Variants in ZNF385B observed in about 807,000 individuals in gnomAD.
ZNF385B encodes the protein zinc finger protein 533.
In ZNF385B, 23 loss-of-function variants were observed where a neutral mutation model predicts 39.2. The ratio of observed to expected loss-of-function variants is 0.59; its 90% CI spans 0.42 to 0.83. The LOEUF (loss-of-function observed/expected upper bound fraction) is 0.83. Ranked by LOEUF, ZNF385B falls within the 40% of genes least tolerant of loss-of-function variation. The probability of loss-of-function intolerance (pLI) is 0.00; values close to 1 mark genes in which losing one functional copy is unlikely to be tolerated. For synonymous variants in ZNF385B, 205 were observed against 222.6 expected, an observed-to-expected ratio of 0.92 and a Z score of 0.70; for missense variants, 552 against 598.9, an observed-to-expected ratio of 0.92 and a Z score of 0.82.
chr2:179,515,090 T>C (rs1341029653), intron 5 of ZNF385B, among the ~76,000 whole-genome samples: 1 of 152,186 alleles, frequency 6.6e-6, no homozygotes, highest in African/African-American at 2.4e-5. Context: ...AATATGTTTT[T>C]TAATATTATC....
intron 3 of ZNF385B, among the ~76,000 whole-genome samples, chr2:179,760,513 T>A (rs753219104): frequency 6.6e-6 from 1 of 152,204 alleles, no homozygotes; most frequent in Non-Finnish European, 1.5e-5. Flanking sequence ...CAAGGGTTCA[T>A]TCCTTTTTAT....
intron 3 of ZNF385B, among the ~76,000 whole-genome samples, chr2:179,546,260 C>G (rs992767798): frequency 6.6e-6 from 1 of 152,074 alleles, no homozygotes; most frequent in African/African-American, 2.4e-5. Flanking sequence ...TGGTCTCGAA[C>G]TCCTAGGCTC....
chr2:179,750,330 G>A (rs1029092440), intron 3 of ZNF385B, among the ~76,000 whole-genome samples: 1 of 152,074 alleles, frequency 6.6e-6, no homozygotes, highest in African/African-American at 2.4e-5. Flanking sequence ...TTTATCTGGG[G>A]AGAACAGATA....
At chr2:179,825,411 TTGG>T (rs2106589162) in intron 1 of ZNF385B, among the ~76,000 whole-genome samples, 1 of 152,322 alleles carries the variant, frequency 6.6e-6, no homozygotes, top group African/African-American at 2.4e-5. Context: ...TAAAAAATAC[TTGG>T]TGGTTTTGAG....
chr2:179,686,562 T>C (rs1479500628), intron 3 of ZNF385B, among the ~76,000 whole-genome samples: 1 of 152,032 alleles, frequency 6.6e-6, no homozygotes, highest in South Asian at 2.1e-4. Context: ...TAAAGTTAGG[T>C]GGTAGGACAG....
At position 179,797,117 on chromosome 2, in the gene ZNF385B, A is replaced by AGTTATTAT. The variant is rs1221238410; in HGVS notation, c.-154-26446_-154-26445insATAATAAC. The stretch of plus-strand genomic sequence containing the variant: ...AATATAATAACTGTTTCACAGAAAC[A>AGTTATTAT]ATTACTTTTCTCCATAATACAACCT... On this transcript the variant is annotated intron_variant, in intron 1 of 9. Transcript: ENST00000410066. Among the ~76,000 whole-genome samples, 11 of 152,318 alleles carry AGTTATTAT rather than the reference A, an allele frequency of 7.2e-5. No homozygotes were observed. In the East Asian group the frequency reaches 1.5e-3, roughly 21 times the overall value.
rs374536292 is a variant in ZNF385B, at chr2:179,489,042, A to C, written c.553-5608T>G. Among the ~76,000 whole-genome samples, 169 of 152,348 alleles carry C rather than the reference A, an allele frequency of 1.1e-3. 1 individual carries two copies. The highest frequency in any genetic ancestry group is 3.7e-3 in the African/African-American group (152 of 41,592). ...AATGGGAGGTACCAAGAAACAAAGAATATGAGAATCAGGAGAGAGGTAAAT... is the reference window on the plus strand; with the variant it reads ...AATGGGAGGTACCAAGAAACAAAGACTATGAGAATCAGGAGAGAGGTAAAT... On this transcript the variant is annotated intron_variant, in intron 5 of 9. Transcript: ENST00000410066.
chr2:179,574,367 C>T (rs1243409562), intron 3 of ZNF385B, among the ~76,000 whole-genome samples: 1 of 152,110 alleles, frequency 6.6e-6, no homozygotes, highest in East Asian at 1.9e-4. Context: ...TTATCCTTCT[C>T]AATATTTTTA....
chr2:179,673,270 T>C (rs1481035384), intron 3 of ZNF385B, among the ~76,000 whole-genome samples: 1 of 152,176 alleles, frequency 6.6e-6, no homozygotes, highest in Admixed American at 6.5e-5. Flanking sequence ...CCTCAACCCA[T>C]GGCTTGAAGT....
chr2:179,605,619 C>T (rs1218439134), intron 3 of ZNF385B, among the ~76,000 whole-genome samples: 1 of 152,066 alleles, frequency 6.6e-6, no homozygotes, highest in African/African-American at 2.4e-5. Context: ...CTCTGAATAG[C>T]TATATTTACT....
At chr2:179,734,114 T>C (rs1459364578) in intron 3 of ZNF385B, among the ~76,000 whole-genome samples, 1 of 152,256 alleles carries the variant, frequency 6.6e-6, no homozygotes, top group East Asian at 1.9e-4. Flanking sequence ...TACTGCATAA[T>C]ATCACATGGC....
chr2:179,645,401 C>T (rs1692629692), intron 3 of ZNF385B, among the ~76,000 whole-genome samples: 1 of 152,192 alleles, frequency 6.6e-6, no homozygotes, highest in African/African-American at 2.4e-5. Context: ...TCTGGAAAAA[C>T]ATCCACACAT....
intron 5 of ZNF385B, among the ~76,000 whole-genome samples, chr2:179,493,682 T>C (rs1389087298): frequency 5.9e-5 from 5 of 85,386 alleles, no homozygotes; most frequent in Non-Finnish European, 1.3e-4. Context: ...TGCATATACA[T>C]ATACACATAT....
chr2:179,709,209 C>T (rs949107526), intron 3 of ZNF385B, among the ~76,000 whole-genome samples: 1 of 152,184 alleles, frequency 6.6e-6, no homozygotes, highest in African/African-American at 2.4e-5. Flanking sequence ...CCACCCTGAG[C>T]GGGTATGTGT....
intron 1 of ZNF385B, among the ~76,000 whole-genome samples, chr2:179,772,629 A>C (rs1486010826): frequency 6.6e-6 from 1 of 152,220 alleles, no homozygotes; most frequent in Non-Finnish European, 1.5e-5. Context: ...CTAGGCTTAT[A>C]ATATGTGTGA....
At chr2:179,798,315 C>T (rs1705808684) in intron 1 of ZNF385B, among the ~76,000 whole-genome samples, 1 of 151,988 alleles carries the variant, frequency 6.6e-6, no homozygotes, top group Non-Finnish European at 1.5e-5. Flanking sequence ...ACACCCCATT[C>T]CTCAGAGTGG....
chr2:179,677,666 G>A (rs1257585542), intron 3 of ZNF385B, among the ~76,000 whole-genome samples: 1 of 152,108 alleles, frequency 6.6e-6, no homozygotes, highest in African/African-American at 2.4e-5. Context: ...AGATGGGAAG[G>A]GCAGAGCCAA....
At chr2:179,800,029 A>C (rs1336911444) in intron 1 of ZNF385B, among the ~76,000 whole-genome samples, 1 of 152,142 alleles carries the variant, frequency 6.6e-6, no homozygotes, top group African/African-American at 2.4e-5. Context: ...AAAAGCAGAT[A>C]AAACATTTTC....
intron 3 of ZNF385B, among the ~76,000 whole-genome samples, chr2:179,599,503 A>C (rs1173517884): frequency 2.0e-5 from 3 of 152,258 alleles, no homozygotes; most frequent in African/African-American, 7.2e-5. Context: ...CATTAAAATA[A>C]CTTAAAAATA....
Sources: allele counts gnomAD v4.1 joint callset (sites outside exome capture counted in the v4.1 genomes callset), GRCh38; gene constraint gnomAD v4.1.1; transcripts MANE v1.5; gene names NCBI Gene and HGNC (gene_info 2026-07-23, HGNC 2026-07-21).